PYROXD1: variants seen among roughly 807,000 people sequenced by gnomAD.
PYROXD1 encodes tRNA ligase complex-associated NAD(P)H dehydrogenase PYROXD1.
A neutral mutation model predicts 62.0 loss-of-function variants in PYROXD1; 42 were observed. The observed-to-expected ratio is 0.68, with a 90% confidence interval of 0.53 to 0.88. The LOEUF is 0.88. Ranked by LOEUF, PYROXD1 falls within the 40% of genes least tolerant of loss-of-function variation. PYROXD1 has a pLI of 0.00. For synonymous variants in PYROXD1, 170 were observed against 206.4 expected (o/e 0.82, Z 1.51); for missense variants, 493 against 604.8 (o/e 0.82, Z 1.94).
chr12:21,447,544 A>G (rs1942412808), intron 3 of PYROXD1: 3 of 165,746 alleles, frequency 1.8e-5, no homozygotes, highest in African/African-American at 7.3e-5. Flanking sequence ...TGTCCTTTAC[A>G]TTTTTGTTTT....
rs762923417 is a variant in PYROXD1 at position 21,462,803 on chromosome 12, A to G, written c.1057A>G (p.Ile353Val). 1.1e-5 allele frequency: 18 copies of G among 1,614,036 alleles called. No individual in the cohort carries two copies. The Admixed American group carries it at 3.0e-4, about 27-fold the overall frequency. Residue 353 changes from isoleucine (I) to valine (V), a missense_variant, in exon 10 of 12, where the codon ATC becomes GTC. By Grantham distance (29) the Ile-to-Val change is conservative. Around this residue, in one of 2 missense-constraint regions of PYROXD1, gnomAD observed 329 missense variants for 446.6 expected, o/e 0.74. Coordinates refer to ENST00000240651, the MANE Select transcript of PYROXD1 (RefSeq NM_024854.5). ...TCATATGCACACATCCCTTCCTGATATCTATGCTGCCGGTGACATCTGTAC... is the reference window on the plus strand; with the variant it reads ...TCATATGCACACATCCCTTCCTGATGTCTATGCTGCCGGTGACATCTGTAC... The part of the protein sequence containing the change: ...DDHMHTSLPD[I>V]YAAGDICTTS...
At chr12:21,462,678 TAA>T in intron 9 of PYROXD1, 60 bp from the exon 10 acceptor site, 1 of 1,572,042 alleles carries the variant, frequency 6.4e-7, no homozygotes, top group Non-Finnish European at 8.7e-7. Context: ...TCTTTTACTT[TAA>T]AATGGAAAAA....
chr12:21,455,052 G>A, intron 5 of PYROXD1, 80 bp from the exon 6 acceptor site: 1 of 758,202 alleles, frequency 1.3e-6, no homozygotes, highest in Non-Finnish European at 1.9e-6. Context: ...TTTTGCTTCA[G>A]GAGATCATTA....
chr12:21,440,342 T>A (rs747698091), intron 1 of PYROXD1, 26 bp from the exon 2 acceptor site: 25 of 1,410,274 alleles, frequency 1.8e-5, no homozygotes, highest in Non-Finnish European at 2.4e-5. Flanking sequence ...TTGTCCTAAT[T>A]TTTTTTCTCT....
At chr12:21,458,281 C>T (rs543066104) in intron 7 of PYROXD1, among the ~76,000 whole-genome samples, 268 of 152,328 alleles carry the variant, frequency 1.8e-3, no homozygotes, top group Non-Finnish European at 3.0e-3. Flanking sequence ...GCAGCTTCCT[C>T]ACTTCTCTCA....
At chr12:21,450,954 C>T (rs1203397918) in intron 4 of PYROXD1, among the ~76,000 whole-genome samples, 1 of 152,148 alleles carries the variant, frequency 6.6e-6, no homozygotes, top group Non-Finnish European at 1.5e-5. Context: ...TTAAGTCTAT[C>T]AGATACACAA....
intron 7 of PYROXD1, among the ~76,000 whole-genome samples, chr12:21,457,863 A>G (rs538532594): frequency 1.6e-4 from 25 of 152,224 alleles, no homozygotes; most frequent in Non-Finnish European, 3.1e-4. Context: ...TTACAATTTG[A>G]TATGAGATTT....
At position 21,469,144 on chromosome 12, in the gene PYROXD1, A is replaced by G. The variant is rs1302477090; in HGVS notation, c.*390A>G. ...ATATGGCTATGGTTTCAGGAACTTT[A>G]AAATCGGTTGTATTTTACTTTAAAT... is the stretch of plus-strand genomic sequence containing the variant. On this transcript the variant is annotated 3_prime_UTR_variant, in exon 12 of 12. Transcript: ENST00000240651. 6.1e-6 allele frequency: 1 copy of G among 164,694 alleles called. No homozygotes were observed. The highest frequency in any genetic ancestry group is 2.4e-5 in the African/African-American group (1 of 41,496). 10.2% of individuals were successfully genotyped at this position (164,694 alleles called of 1,614,324 possible).
chr12:21,452,046 C>A (rs761861132), intron 4 of PYROXD1, 35 bp from the exon 5 acceptor site: 1 of 1,306,188 alleles, frequency 7.7e-7, no homozygotes, highest in Admixed American at 2.0e-5. Context: ...CCCACTATTA[C>A]AAAATACTAC....
intron 2 of PYROXD1, among the ~76,000 whole-genome samples, chr12:21,442,977 C>T (rs1046891315): frequency 1.3e-5 from 2 of 151,886 alleles, no homozygotes; most frequent in Admixed American, 6.6e-5. Context: ...CCGTTGAGCC[C>T]TCTTTGGGCT....
intron 4 of PYROXD1, among the ~76,000 whole-genome samples, chr12:21,451,483 G>A (rs909119394): frequency 3.3e-5 from 5 of 151,616 alleles, no homozygotes; most frequent in African/African-American, 4.8e-5. Flanking sequence ...TATTGGGTGC[G>A]TGCTACTCCT....
intron 2 of PYROXD1, among the ~76,000 whole-genome samples, chr12:21,442,939 A>G (rs1167548530): frequency 6.6e-6 from 1 of 151,346 alleles, no homozygotes; most frequent in African/African-American, 2.4e-5. Context: ...TTCATGCTCC[A>G]CTGTGTTGCT....
intron 7 of PYROXD1, among the ~76,000 whole-genome samples, chr12:21,456,659 AG>A (rs774172674): frequency 2.2e-4 from 34 of 152,228 alleles, no homozygotes; most frequent in Non-Finnish European, 3.7e-4. Context: ...TGCTTGCTGA[AG>A]GTTTGGGTGG....
intron 10 of PYROXD1, among the ~76,000 whole-genome samples, chr12:21,465,063 C>A (rs1942767541): frequency 6.6e-6 from 1 of 152,142 alleles, no homozygotes; most frequent in Admixed American, 6.5e-5. Flanking sequence ...TTAATCCAGT[C>A]TATCATTGTT....
At chr12:21,460,180 T>A (rs11046069) in intron 7 of PYROXD1, among the ~76,000 whole-genome samples, 74,986 of 151,778 alleles carry the variant, frequency 0.49, 18,570 homozygotes, top group Middle Eastern at 0.59. Flanking sequence ...GTGTATCTAA[T>A]TTTTGTGATG....
At chr12:21,456,252 A>G (rs1942594478) in intron 7 of PYROXD1, among the ~76,000 whole-genome samples, 157 bp downstream of exon 7, 1 of 152,206 alleles carries the variant, frequency 6.6e-6, no homozygotes, top group Non-Finnish European at 1.5e-5. Context: ...CAGTTGGTCC[A>G]TTTGGCCACC....
intron 9 of PYROXD1, among the ~76,000 whole-genome samples, chr12:21,462,357 T>C (rs1254057294): frequency 6.6e-6 from 1 of 152,202 alleles, no homozygotes; most frequent in African/African-American, 2.4e-5. Flanking sequence ...ACAATTTATT[T>C]ATCTAAATGT....
At chr12:21,466,751 G>T (rs1355052959) in intron 10 of PYROXD1, among the ~76,000 whole-genome samples, 2 of 152,106 alleles carry the variant, frequency 1.3e-5, no homozygotes, top group African/African-American at 4.8e-5. Flanking sequence ...AGTTTTCAAA[G>T]GGAATGCTTC....
At chr12:21,450,622 C>T (rs1005723650) in intron 4 of PYROXD1, among the ~76,000 whole-genome samples, 8 of 152,302 alleles carry the variant, frequency 5.3e-5, no homozygotes, top group Non-Finnish European at 1.2e-4. Flanking sequence ...TATGTCTAAC[C>T]TCAAGTTCGT....
Sources: allele counts gnomAD v4.1 joint callset (sites outside exome capture counted in the v4.1 genomes callset), GRCh38; gene constraint gnomAD v4.1.1; regional missense constraint gnomAD v4.1.1; transcripts MANE v1.5; gene names NCBI Gene and HGNC (gene_info 2026-07-23, HGNC 2026-07-21).